SH3GL1: variants seen among roughly 807,000 people sequenced by gnomAD.
The protein encoded by SH3GL1 is endophilin-A2.
A neutral mutation model predicts 48.8 loss-of-function variants in SH3GL1; 21 were observed. That is an observed-to-expected ratio of 0.43 (90% CI 0.30 to 0.62). The LOEUF (loss-of-function observed/expected upper bound fraction) is 0.62, where lower values mean the gene tolerates loss of function less well. Ranked by LOEUF, SH3GL1 falls within the 20% of genes least tolerant of loss-of-function variation. SH3GL1 has a pLI of 0.11. For missense variants in SH3GL1, 454 were observed against 503.0 expected, an observed-to-expected ratio of 0.90 and a Z score of 0.93; for synonymous variants, 282 against 217.5, an observed-to-expected ratio of 1.30 and a Z score of -2.61.
At position 4,361,781 on chromosome 19, in the gene SH3GL1, G is replaced by A. The variant is rs1972622036; in HGVS notation, c.926C>T (p.Pro309Leu). The part of the protein sequence containing the change: ...PSRSMPPLDQ[P>L]SCKALYDFEP... ...GAAGTCGTACAGCGCCTTGCAGCTC[G>A]GCTGGTCCAGGGGCGCTGGGGGCGG... The change falls in exon 10 of 10, where the codon CCG becomes CTG. Residue 309 changes from proline (P) to leucine (L), a missense_variant. By Grantham distance (98) the Pro-to-Leu change is moderately conservative. Around this residue, in one of 2 missense-constraint regions of SH3GL1, gnomAD observed 278 missense variants for 246.8 expected, o/e 1.13. Transcript: ENST00000269886. 3.1e-6 allele frequency: 5 copies of A among 1,608,920 alleles called. No homozygotes were observed. Among genetic ancestry groups the A allele is most frequent in the Non-Finnish European group, 3.4e-6 (4 of 1,179,652 alleles).
At chr19:4,363,011 C>T (rs1972666464) in intron 7 of SH3GL1, among the ~76,000 whole-genome samples, 1 of 152,176 alleles carries the variant, frequency 6.6e-6, no homozygotes, top group Non-Finnish European at 1.5e-5. Flanking sequence ...GCATCCCCTG[C>T]CTCCTCCCCC....
chr19:4,362,256 C>T lies in SH3GL1; in HGVS notation c.910+73G>A, dbSNP rs533455020. On this transcript the variant is annotated intron_variant, in intron 9 of 9. Transcript: ENST00000269886. ...TGCTTGAGATGGGCAGAGAACAGGG[C>T]GGGAGGAGAAACACCCTCCCCGAAT... The T allele has an allele frequency of 6.1e-5, 86 of 1,417,648 alleles. No homozygotes were observed. The Middle Eastern group carries it at 7.0e-4, about 11-fold the overall frequency. The allele number at this position is 1,417,648 out of a possible 1,614,324, so 87.8% of individuals were successfully genotyped here.
intron 1 of SH3GL1, among the ~76,000 whole-genome samples, chr19:4,386,431 T>C (rs1419474801): frequency 6.6e-6 from 1 of 151,600 alleles, no homozygotes; most frequent in African/African-American, 2.4e-5. Context: ...GGGGGTGTCC[T>C]GGAGGAAGAT....
chr19:4,370,993 C>T (rs1273492818), intron 1 of SH3GL1, among the ~76,000 whole-genome samples: 3 of 152,264 alleles, frequency 2.0e-5, no homozygotes, highest in African/African-American at 7.2e-5. Context: ...CTGCACCCGC[C>T]ACCTGCATGC....
intron 1 of SH3GL1, among the ~76,000 whole-genome samples, chr19:4,396,595 A>C (rs1973429066): frequency 6.6e-6 from 1 of 152,186 alleles, no homozygotes; most frequent in Non-Finnish European, 1.5e-5. Flanking sequence ...CAAACTAGGA[A>C]AATCGTAAGA....
At chr19:4,397,270 G>C (rs1345912782) in intron 1 of SH3GL1, among the ~76,000 whole-genome samples, 1 of 152,224 alleles carries the variant, frequency 6.6e-6, no homozygotes, top group African/African-American at 2.4e-5. Context: ...ACAGCCCCGA[G>C]GGTGGGCTGT....
intron 1 of SH3GL1, among the ~76,000 whole-genome samples, chr19:4,375,617 G>C (rs1212020979): frequency 1.3e-5 from 2 of 152,220 alleles, no homozygotes; most frequent in African/African-American, 4.8e-5. Context: ...TCCTCTCCCA[G>C]GAACAAACCA....
At chr19:4,392,189 C>T (rs1016375149) in intron 1 of SH3GL1, among the ~76,000 whole-genome samples, 5 of 152,216 alleles carry the variant, frequency 3.3e-5, no homozygotes, top group Admixed American at 3.3e-4. Context: ...CAAGGGTATA[C>T]ACTTTTATCT....
intron 1 of SH3GL1, among the ~76,000 whole-genome samples, chr19:4,374,154 T>C (rs1231963017): frequency 6.6e-6 from 1 of 152,164 alleles, no homozygotes; most frequent in Non-Finnish European, 1.5e-5. Context: ...AGATGGGCCC[T>C]GGAGGCCCCA....
chr19:4,377,909 G>A (rs1019577479), intron 1 of SH3GL1, among the ~76,000 whole-genome samples: 2 of 152,218 alleles, frequency 1.3e-5, no homozygotes, highest in African/African-American at 4.8e-5. Flanking sequence ...TCGCGTTTGG[G>A]TCCCGGGCCT....
At position 4,365,512 on chromosome 19, in the gene SH3GL1, C is replaced by T. The variant is rs1385225579; in HGVS notation, c.301G>A (p.Gly101Arg). 2.5e-6 allele frequency: 4 copies of T among 1,613,984 alleles called. No homozygotes were observed. The highest frequency in any genetic ancestry group is 3.4e-6 in the Non-Finnish European group (4 of 1,180,036). ...TTGGACTCGCCGCCCAGCTCCTTCC[C>T]GTGGCGGATCATGCACTCGCCCAGA... ...GLLGECMIRH[G>R]KELGGESNFG... The change falls in exon 4 of 10, where the codon GGG (glycine) becomes AGG (arginine). Residue 101 changes from glycine (G) to arginine (R), a missense_variant. Around this residue, in one of 2 missense-constraint regions of SH3GL1, gnomAD observed 176 missense variants for 256.2 expected, o/e 0.69. Coordinates refer to ENST00000269886, the MANE Select transcript of SH3GL1 (RefSeq NM_003025.4).
chr19:4,396,216 G>A (rs1268817272), intron 1 of SH3GL1, among the ~76,000 whole-genome samples: 2 of 152,006 alleles, frequency 1.3e-5, no homozygotes, highest in Admixed American at 1.3e-4. Flanking sequence ...GGCCAACATG[G>A]TGAAACCCCG....
intron 1 of SH3GL1, among the ~76,000 whole-genome samples, chr19:4,398,628 C>G (rs1421033466): frequency 1.3e-5 from 2 of 152,164 alleles, no homozygotes; most frequent in Admixed American, 1.3e-4. Context: ...CCGCCTCGGC[C>G]TCCCAAACTG....
Position 4,366,911 on chromosome 19 carries a change from C to T in SH3GL1, c.114+15G>A. 6.2e-7 allele frequency: 1 copy of T among 1,612,820 alleles called. No homozygotes were observed. The highest frequency in any genetic ancestry group is 8.5e-7 in the Non-Finnish European group (1 of 1,178,912). ...CAGTGCCACCACCACACAGAGCACG[C>T]AGTTTCTTCCTCACCTTCTCCATCT... is the stretch of plus-strand genomic sequence containing the variant. On this transcript the variant is annotated intron_variant, in intron 2 of 9. Coordinates refer to ENST00000269886, the MANE Select transcript of SH3GL1 (RefSeq NM_003025.4).
chr19:4,369,021 G>C (rs1972841210), intron 1 of SH3GL1, among the ~76,000 whole-genome samples: 4 of 152,144 alleles, frequency 2.6e-5, no homozygotes. Context: ...GCAGTCAGCA[G>C]AGATCCAGCC....
chr19:4,379,778 G>A (rs1157182473), intron 1 of SH3GL1, among the ~76,000 whole-genome samples: 3 of 152,236 alleles, frequency 2.0e-5, no homozygotes, highest in South Asian at 2.1e-4. Context: ...CTGCCAGGAT[G>A]GCTGCTGCTG....
chr19:4,392,952 G>A (rs1399061753), intron 1 of SH3GL1, among the ~76,000 whole-genome samples: 1 of 151,972 alleles, frequency 6.6e-6, no homozygotes, highest in East Asian at 1.9e-4. Flanking sequence ...TCTCAAATAC[G>A]TAAAATTTTA....
At chr19:4,373,084 A>G (rs903868724) in intron 1 of SH3GL1, among the ~76,000 whole-genome samples, 19 of 151,514 alleles carry the variant, frequency 1.3e-4, no homozygotes, top group African/African-American at 3.9e-4. Context: ...ATTCCTGCAC[A>G]TGCTCAGGGA....
intron 1 of SH3GL1, among the ~76,000 whole-genome samples, chr19:4,397,690 C>G (rs1307363297): frequency 2.6e-5 from 4 of 152,298 alleles, no homozygotes; most frequent in African/African-American, 7.2e-5. Context: ...GCCAGGCCAT[C>G]TGATTTCAAA....
Sources: allele counts gnomAD v4.1 joint callset (sites outside exome capture counted in the v4.1 genomes callset), GRCh38; gene constraint gnomAD v4.1.1; regional missense constraint gnomAD v4.1.1; transcripts MANE v1.5; gene names NCBI Gene and HGNC (gene_info 2026-07-23, HGNC 2026-07-21).